COL23A1: variants seen among roughly 807,000 people sequenced by gnomAD.
The protein encoded by COL23A1 is collagen type XXIII alpha 1 chain.
Under a neutral mutation model 99.3 loss-of-function variants are expected in COL23A1, and 97 were observed. The observed-to-expected ratio is 0.98, with a 90% CI of 0.83 to 1.16. The LOEUF (loss-of-function observed/expected upper bound fraction) is 1.16. COL23A1 is among the 50% of genes most tolerant of loss of function. COL23A1 has a pLI of 0.00. For synonymous variants in COL23A1, 320 were observed against 308.2 expected (o/e 1.04, Z -0.40); for missense variants, 762 against 757.4 (o/e 1.01, Z -0.07).
rs185073173 is a variant in COL23A1, at chr5:178,507,523, G to A, written c.361+53159C>T. Among the ~76,000 whole-genome samples the A allele has an allele frequency of 4.0e-4, 61 of 152,240 alleles. 2 individuals carry two copies. The East Asian group carries it at 6.9e-3, about 17-fold the overall frequency. ...TAGTTTCTAGCTCACAGCTCAAAAGGGCCTGGTGCATGGTCGACAGTCAAT... is the reference window on the plus strand; with the variant it reads ...TAGTTTCTAGCTCACAGCTCAAAAGAGCCTGGTGCATGGTCGACAGTCAAT... On this transcript the variant is annotated intron_variant, in intron 2 of 28. Coordinates refer to ENST00000390654, the MANE Select transcript of COL23A1 (RefSeq NM_173465.4).
intron 2 of COL23A1, among the ~76,000 whole-genome samples, chr5:178,353,601 T>C (rs1183754147): frequency 6.6e-6 from 1 of 152,288 alleles, no homozygotes; most frequent in Non-Finnish European, 1.5e-5. Context: ...GAATCGCAAA[T>C]GACCTCTTCC....
chr5:178,536,298 C>A (rs1452443454), intron 2 of COL23A1, among the ~76,000 whole-genome samples: 1 of 152,276 alleles, frequency 6.6e-6, no homozygotes, highest in Non-Finnish European at 1.5e-5. Flanking sequence ...CAACAGCACC[C>A]TGACAGACCA....
At chr5:178,494,124 G>C (rs1395563477) in intron 2 of COL23A1, among the ~76,000 whole-genome samples, 2 of 152,232 alleles carry the variant, frequency 1.3e-5, no homozygotes, top group African/African-American at 4.8e-5. Context: ...TTATACGGGA[G>C]TGTGGATCAC....
chr5:178,489,621 G>T (rs191584531), intron 2 of COL23A1, among the ~76,000 whole-genome samples: 1 of 152,150 alleles, frequency 6.6e-6, no homozygotes, highest in East Asian at 1.9e-4. Context: ...TAAAGGCTGC[G>T]GACTGTCAAA....
intron 2 of COL23A1, among the ~76,000 whole-genome samples, chr5:178,552,745 C>A (rs1487797331): frequency 1.3e-5 from 2 of 151,196 alleles, no homozygotes; most frequent in African/African-American, 2.4e-5. Context: ...GACAGAGTCT[C>A]ACTCTGTCGC....
chr5:178,568,921 A>G (rs1049510294), intron 1 of COL23A1, among the ~76,000 whole-genome samples: 2 of 152,126 alleles, frequency 1.3e-5, no homozygotes, highest in African/African-American at 2.4e-5. Context: ...TCTGTTTTCA[A>G]TTCTTTGGGG....
intron 1 of COL23A1, among the ~76,000 whole-genome samples, chr5:178,588,453 G>A (rs262027): frequency 0.48 from 72,899 of 152,066 alleles, 17,686 homozygotes; most frequent in Middle Eastern, 0.62. Context: ...CACTTATAGC[G>A]CTAACAGGTA....
At position 178,313,043 on chromosome 5, in the gene COL23A1, A is replaced by T. The variant is rs778714526; in HGVS notation, c.362-6124T>A. Among the ~76,000 whole-genome samples the T allele has an allele frequency of 2.6e-5, 4 of 152,212 alleles. No individual in the cohort carries two copies. Among genetic ancestry groups the T allele is most frequent in the Non-Finnish European group, 5.9e-5 (4 of 68,038 alleles). ...AGGAAGGAGTTCCTGCGCACGCTGC[A>T]GCATGATGGGCCTGGAGGACGTCAC... On this transcript the variant is annotated intron_variant, in intron 2 of 28. Coordinates refer to ENST00000390654, the MANE Select transcript of COL23A1 (RefSeq NM_173465.4). The surrounding 1 kb of genome is among the most constrained non-coding windows in gnomAD (Gnocchi z 4.2).
chr5:178,358,801 C>T (rs1762021999), intron 2 of COL23A1, among the ~76,000 whole-genome samples: 2 of 151,824 alleles, frequency 1.3e-5, no homozygotes, highest in Middle Eastern at 6.8e-3. Context: ...ACATGATATA[C>T]CCATGTGTGA....
chr5:178,579,673 C>T (rs889208378), intron 1 of COL23A1, among the ~76,000 whole-genome samples: 2 of 152,068 alleles, frequency 1.3e-5, no homozygotes, highest in African/African-American at 2.4e-5. Context: ...AGGCTGGTCT[C>T]GAACTCTTGA....
chr5:178,274,242 C>T (rs1214122936), intron 5 of COL23A1, among the ~76,000 whole-genome samples: 1 of 152,160 alleles, frequency 6.6e-6, no homozygotes, highest in Admixed American at 6.5e-5. Flanking sequence ...GGCTGAGTCA[C>T]GCAAAGCAAC....
intron 2 of COL23A1, among the ~76,000 whole-genome samples, chr5:178,457,002 C>G (rs1767834861): frequency 6.6e-6 from 1 of 152,110 alleles, no homozygotes; most frequent in Admixed American, 6.6e-5. Flanking sequence ...AAGAACCATT[C>G]ATTACTATTA....
intron 2 of COL23A1, among the ~76,000 whole-genome samples, chr5:178,381,232 A>G (rs999895583): frequency 2.0e-5 from 3 of 152,226 alleles, no homozygotes; most frequent in African/African-American, 7.2e-5. Flanking sequence ...GGACTTGGGA[A>G]AGAAGAACAG....
Position 178,249,716 on chromosome 5 carries a change from A to ACACACACTCACTCTCTCT in COL23A1, c.1059+344_1059+345insAGAGAGAGTGAGTGTGTG. Among the ~76,000 whole-genome samples, 185 of 92,786 alleles carry ACACACACTCACTCTCTCT rather than the reference A, an allele frequency of 2.0e-3. 1 individual carries two copies. Among genetic ancestry groups the ACACACACTCACTCTCTCT allele is most frequent in the Admixed American group, 3.2e-3 (30 of 9,238 alleles). 60.9% of individuals were successfully genotyped at this position (92,786 alleles called of 152,430 possible). On this transcript the variant is annotated intron_variant, in intron 18 of 28. Transcript: ENST00000390654. ...CACACACACACACACACACACACAC[A>ACACACACTCACTCTCTCT]CTCTCTCTCTCTCTCTCTCTCTCTC...
chr5:178,326,322 G>A (rs1346587647), intron 2 of COL23A1, among the ~76,000 whole-genome samples: 2 of 151,902 alleles, frequency 1.3e-5, no homozygotes, highest in Non-Finnish European at 2.9e-5. Flanking sequence ...AGCTCTGACT[G>A]AAGCACTTAT....
At position 178,277,426 on chromosome 5, in the gene COL23A1, A is replaced by G. The variant is rs1214302247; in HGVS notation, c.442-7063T>C. ...GAATTAGTCACATTTAAAAATTGCA[A>G]CCTTTTACATAAACGTCCAGAGTTT... On this transcript the variant is annotated intron_variant, in intron 5 of 28. Coordinates refer to ENST00000390654, the MANE Select transcript of COL23A1 (RefSeq NM_173465.4). 2.6e-5 allele frequency among the ~76,000 whole-genome samples: 4 copies of G among 152,198 alleles called. No homozygotes were observed. In the South Asian group the frequency reaches 8.3e-4, roughly 32 times the overall value.
chr5:178,249,103 A>G lies in COL23A1; in HGVS notation c.1149+14T>C. On this transcript the variant is annotated intron_variant, in intron 19 of 28. Coordinates refer to ENST00000390654, the MANE Select transcript of COL23A1 (RefSeq NM_173465.4). ...CACAGGAGGCGTAATGTGTGGCCCA[A>G]CCCAGCCACATACCGGGAGGCCGGA... 6.2e-7 allele frequency: 1 copy of G among 1,612,580 alleles called. No homozygotes were observed. The highest frequency in any genetic ancestry group is 8.5e-7 in the Non-Finnish European group (1 of 1,178,738).
chr5:178,383,295 C>A (rs907695964), intron 2 of COL23A1, among the ~76,000 whole-genome samples: 3 of 152,206 alleles, frequency 2.0e-5, no homozygotes, highest in African/African-American at 7.2e-5. Flanking sequence ...CAGCTTCCCG[C>A]AGAGATGGCC....
chr5:178,258,132 CA>C (rs1312783837), intron 12 of COL23A1, among the ~76,000 whole-genome samples: 5 of 151,606 alleles, frequency 3.3e-5, no homozygotes, highest in African/African-American at 1.2e-4. Context: ...CCTGTAGTCC[CA>C]GCTATTTGAG....
Sources: allele counts gnomAD v4.1 joint callset (sites outside exome capture counted in the v4.1 genomes callset), GRCh38; gene constraint gnomAD v4.1.1; non-coding constraint Gnocchi (gnomAD v3.1); transcripts MANE v1.5; gene names NCBI Gene and HGNC (gene_info 2026-07-23, HGNC 2026-07-21).